BCL2L11: variants seen among roughly 807,000 people sequenced by gnomAD.
BCL2L11 encodes bcl-2-like protein 11.
BCL2L11 carries 15 observed loss-of-function variants against 20.6 expected under a neutral mutation model. That is an observed-to-expected ratio of 0.73 (90% confidence interval 0.49 to 1.12). The LOEUF is 1.12. BCL2L11 is among the 50% of genes most tolerant of loss of function. The probability of loss-of-function intolerance (pLI) is 0.00; values close to 1 mark genes in which losing one functional copy is unlikely to be tolerated. For missense variants in BCL2L11, 292 were observed against 260.9 expected (o/e 1.12, Z -0.82); for synonymous variants, 108 against 92.8 (o/e 1.16, Z -0.94).
chr2:111,163,237 C>A (rs938110361), intron 3 of BCL2L11: 1 of 152,126 alleles, frequency 6.6e-6, no homozygotes, highest in Non-Finnish European at 1.5e-5. Context: ...TGTGGAGAGA[C>A]AGTCATGTAG....
chr2:111,150,770 T>G (rs1233051338), intron 3 of BCL2L11, among the ~76,000 whole-genome samples: 1 of 152,248 alleles, frequency 6.6e-6, no homozygotes, highest in Non-Finnish European at 1.5e-5. Context: ...CTTGATTTTT[T>G]AAAAATTTTA....
At chr2:111,142,293 A>T in intron 2 of BCL2L11, 1 of 1,547,780 alleles carries the variant, frequency 6.5e-7, no homozygotes. Context: ...TTATTTATAC[A>T]ACATTTTTAT....
intron 2 of BCL2L11, among the ~76,000 whole-genome samples, chr2:111,138,577 A>G (rs1056023801): frequency 5.3e-5 from 8 of 152,100 alleles, no homozygotes; most frequent in African/African-American, 1.9e-4. Context: ...CCATCACCGA[A>G]AGTACTCGGG....
chr2:111,137,337 C>T (rs547674086), intron 2 of BCL2L11, among the ~76,000 whole-genome samples: 42 of 152,326 alleles, frequency 2.8e-4, no homozygotes, highest in Non-Finnish European at 3.7e-4. Flanking sequence ...CTCCACCTCC[C>T]GCACCAGAAT....
chr2:111,123,184 G>T, intron 1 of BCL2L11: 5 of 985,472 alleles, frequency 5.1e-6, no homozygotes, highest in Non-Finnish European at 6.0e-6. Context: ...GAGCCGGGCC[G>T]AGCCGCGCTG....
Position 111,123,923 on chromosome 2 carries a change from C to T in BCL2L11, c.178C>T (p.Pro60Ser), listed in dbSNP as rs779166262. ...AGGGGACAGCTGCCCCCACGGCAGCCCTCAGGGCCCGCTGGCCCCACCTGC... is the reference window on the plus strand; with the variant it reads ...AGGGGACAGCTGCCCCCACGGCAGCTCTCAGGGCCCGCTGGCCCCACCTGC... ...GEGDSCPHGSPQGPLAPPASP... is the reference protein window; with the variant it reads ...GEGDSCPHGSSQGPLAPPASP... Residue 60 changes from proline (P) to serine (S), a missense_variant, in exon 2 of 4, where the codon CCT becomes TCT. By Grantham distance (74) the Pro-to-Ser change is moderately conservative. Coordinates refer to ENST00000393256, the MANE Select transcript of BCL2L11 (RefSeq NM_138621.5). The T allele has an allele frequency of 5.6e-6, 9 of 1,613,744 alleles. No individual in the cohort carries two copies. Among genetic ancestry groups the T allele is most frequent in the Admixed American group, 3.3e-5 (2 of 59,976 alleles).
intron 1 of BCL2L11, 53 bp downstream of exon 1, chr2:111,121,241 G>A: frequency 4.8e-6 from 1 of 206,756 alleles, no homozygotes. Context: ...GAAGACTAGC[G>A]CTGGAGCCCG....
Position 111,166,612 on chromosome 2 carries a change from T to C in BCL2L11, c.*2381T>C, listed in dbSNP as rs954519753. On this transcript the variant is annotated 3_prime_UTR_variant, in exon 4 of 4. Coordinates refer to ENST00000393256, the MANE Select transcript of BCL2L11 (RefSeq NM_138621.5). ...TAATTAAATCCCCTTTTTGGAAACT[T>C]ACTGCAGGTTTTGTGCCTTGACAAC... The C allele has an allele frequency of 8.5e-5, 13 of 152,660 alleles. No individual in the cohort carries two copies. The highest frequency in any genetic ancestry group is 2.2e-4 in the African/African-American group (9 of 41,452). 9.5% of individuals were successfully genotyped at this position (152,660 alleles called of 1,614,324 possible).
At chr2:111,156,802 A>G (rs1225582126) in intron 3 of BCL2L11, among the ~76,000 whole-genome samples, 7 of 152,204 alleles carry the variant, frequency 4.6e-5, no homozygotes, top group Admixed American at 4.6e-4. Flanking sequence ...AGATTAAGTA[A>G]GAACATTTAG....
At chr2:111,134,090 A>G (rs1249024966) in intron 2 of BCL2L11, among the ~76,000 whole-genome samples, 3 of 151,404 alleles carry the variant, frequency 2.0e-5, no homozygotes, top group Non-Finnish European at 4.4e-5. Context: ...TATATATGGC[A>G]TGTCTTTAGA....
At chr2:111,140,087 T>G (rs1319631961) in intron 2 of BCL2L11, among the ~76,000 whole-genome samples, 1 of 152,142 alleles carries the variant, frequency 6.6e-6, no homozygotes, top group East Asian at 1.9e-4. Context: ...GCTTTCAGAG[T>G]GAGGAAACCG....
At position 111,123,866 on chromosome 2, in the gene BCL2L11, C is replaced by G; in HGVS notation, c.121C>G (p.Gln41Glu). Reference sequence around the variant, plus strand: ...CCCTACCTCCCTACAGACAGAGCCACAAGGTAATCCTGAAGGCAATCACGG... The same window carrying G: ...CCCTACCTCCCTACAGACAGAGCCAGAAGGTAATCCTGAAGGCAATCACGG... ...GAPTSLQTEP[Q>E]GNPEGNHGGE... The change falls in exon 2 of 4, where the codon CAA (glutamine) becomes GAA (glutamate). Residue 41 changes from glutamine to glutamate, a missense_variant. Transcript: ENST00000393256. 1 of 1,600,524 alleles carries G rather than the reference C, an allele frequency of 6.2e-7. No individual in the cohort carries two copies. Among genetic ancestry groups the G allele is most frequent in the Non-Finnish European group, 8.5e-7 (1 of 1,173,352 alleles).
At chr2:111,145,755 A>G (rs777309374) in intron 2 of BCL2L11, among the ~76,000 whole-genome samples, 1 of 152,178 alleles carries the variant, frequency 6.6e-6, no homozygotes, top group Non-Finnish European at 1.5e-5. Flanking sequence ...CCAAAAATGG[A>G]TTAAGAATAC....
rs1430783338 is a variant in BCL2L11 at position 111,164,202 on chromosome 2, A to G, written c.568A>G (p.Ile190Val). Reference sequence around the variant, plus strand: ...GGTTATCTTACGACTGTTACGTTACATTGTCCGCCTGGTGTGGAGAATGCA... The same window carrying G: ...GGTTATCTTACGACTGTTACGTTACGTTGTCCGCCTGGTGTGGAGAATGCA... ...RMVILRLLRY[I>V]VRLVWRMH Residue 190 changes from isoleucine (I) to valine (V), a missense_variant, in exon 4 of 4, where the codon ATT becomes GTT. By Grantham distance (29) the Ile-to-Val change is conservative (BLOSUM62 3). Transcript: ENST00000393256. 2.5e-6 allele frequency: 4 copies of G among 1,612,932 alleles called. No individual in the cohort carries two copies. The highest frequency in any genetic ancestry group is 3.4e-6 in the Non-Finnish European group (4 of 1,179,026).
intron 3 of BCL2L11, among the ~76,000 whole-genome samples, chr2:111,150,637 C>T (rs2077135307): frequency 6.6e-6 from 1 of 152,214 alleles, no homozygotes; most frequent in African/African-American, 2.4e-5. Flanking sequence ...CCTTGCAGAG[C>T]CCATTGCTGT....
rs924045036 is a variant in BCL2L11 at position 111,126,739 on chromosome 2, A to G, written c.394+2600A>G. Among the ~76,000 whole-genome samples the G allele has an allele frequency of 4.6e-5, 7 of 152,218 alleles. No homozygotes were observed. The South Asian group carries it at 6.2e-4, about 14-fold the overall frequency. ...TCAACCCTATCCATGAAGTTCTTCA[A>G]TGAAGCTTTTGATAATTTATTGCAA... On this transcript the variant is annotated intron_variant, in intron 2 of 3. Coordinates refer to ENST00000393256, the MANE Select transcript of BCL2L11 (RefSeq NM_138621.5).
intron 2 of BCL2L11, among the ~76,000 whole-genome samples, chr2:111,147,477 C>A (rs1361388901): frequency 1.3e-5 from 2 of 152,004 alleles, no homozygotes; most frequent in African/African-American, 4.8e-5. Context: ...CTGAACTTTT[C>A]TTTTTGTACA....
intron 1 of BCL2L11, chr2:111,122,671 C>T: frequency 1.0e-6 from 1 of 983,044 alleles, no homozygotes; most frequent in Non-Finnish European, 1.2e-6. Context: ...CCGGCGGCTG[C>T]GGCCGGGGCA....
chr2:111,123,558 T>C (rs1172598505), intron 1 of BCL2L11, 175 bp from the exon 2 acceptor site: 14 of 977,684 alleles, frequency 1.4e-5, no homozygotes, highest in Non-Finnish European at 1.7e-5. Context: ...AAAAAAAAAT[T>C]ACACCTTTAT....
Sources: gnomAD v4.1 joint callset for allele counts (sites outside exome capture counted in the v4.1 genomes callset) on GRCh38, gnomAD v4.1.1 for gene constraint, MANE v1.5 for transcripts, NCBI Gene and HGNC (gene_info 2026-07-23, HGNC 2026-07-21) for gene names.